APH1A: variants seen among roughly 807,000 people sequenced by gnomAD.
The protein encoded by APH1A is aph-1A gamma-secretase subunit.
APH1A carries 16 observed loss-of-function variants against 30.3 expected under a neutral mutation model. The ratio of observed to expected loss-of-function variants is 0.53; its 90% CI spans 0.36 to 0.80. The LOEUF (loss-of-function observed/expected upper bound fraction) is 0.80, where lower values mean the gene tolerates loss of function less well. APH1A is among the 30% of genes least tolerant of loss of function. APH1A has a pLI of 0.01. For synonymous variants in APH1A, 144 were observed against 140.1 expected, an observed-to-expected ratio of 1.03 and a Z score of -0.20; for missense variants, 245 against 337.8, an observed-to-expected ratio of 0.73 and a Z score of 2.15.
chr1:150,267,593 C>T, intron 3 of APH1A, 115 bp from the exon 4 acceptor site: 1 of 1,581,032 alleles, frequency 6.3e-7, no homozygotes, highest in Non-Finnish European at 8.6e-7. Context: ...TCCAGACCAA[C>T]TTTCTTTGGA....
chr1:150,268,848 G>C lies in APH1A; in HGVS notation c.-38C>G. Reference sequence around the variant, plus strand: ...GGGAAGGGGGGTGGGGGCCTGACCAGGACAGGCAAATGGGAGGGGCGCGCC... The same window carrying C: ...GGGAAGGGGGGTGGGGGCCTGACCACGACAGGCAAATGGGAGGGGCGCGCC... On this transcript the variant is annotated 5_prime_UTR_variant, in exon 1 of 7. Transcript: ENST00000369109. 5 of 1,577,134 alleles carry C rather than the reference G, an allele frequency of 3.2e-6. No homozygotes were observed. The highest frequency in any genetic ancestry group is 4.3e-6 in the Non-Finnish European group (5 of 1,157,890).
rs1165288710 is a variant in APH1A at position 150,268,934 on chromosome 1, C to A, written c.-124G>T. 4 of 765,382 alleles carry A rather than the reference C, an allele frequency of 5.2e-6. No individual in the cohort carries two copies. In the East Asian group the frequency reaches 8.2e-5, roughly 16 times the overall value. 47.4% of individuals were successfully genotyped at this position (765,382 alleles called of 1,614,324 possible). Reference sequence around the variant, plus strand: ...CACGAGGGGCGCGGTGCAATGTCACCCCCAGACCCCGGGGAAGGGGAAGGG... The same window carrying A: ...CACGAGGGGCGCGGTGCAATGTCACACCCAGACCCCGGGGAAGGGGAAGGG... On this transcript the variant is annotated 5_prime_UTR_variant, in exon 1 of 7. Transcript: ENST00000369109.
Position 150,268,682 on chromosome 1 carries a change from C to A in APH1A, c.113+16G>T, listed in dbSNP as rs1651962049. The A allele has an allele frequency of 6.2e-7, 1 of 1,602,672 alleles. No individual in the cohort carries two copies. The highest frequency in any genetic ancestry group is 2.2e-5 in the East Asian group (1 of 44,460). On this transcript the variant is annotated intron_variant, in intron 1 of 6. Coordinates refer to ENST00000369109, the MANE Select transcript of APH1A (RefSeq NM_001077628.3). ...CTCTTCGACGCTCTCCCGCGTCTCCCGGGCCCTCTACTCACCCTGCGACCA... is the reference window on the plus strand; with the variant it reads ...CTCTTCGACGCTCTCCCGCGTCTCCAGGGCCCTCTACTCACCCTGCGACCA...
Position 150,268,849 on chromosome 1 carries a change from G to A in APH1A, c.-39C>T, listed in dbSNP as rs1651992451. ...GGAAGGGGGGTGGGGGCCTGACCAGGACAGGCAAATGGGAGGGGCGCGCCA... is the reference window on the plus strand; with the variant it reads ...GGAAGGGGGGTGGGGGCCTGACCAGAACAGGCAAATGGGAGGGGCGCGCCA... On this transcript the variant is annotated 5_prime_UTR_variant, in exon 1 of 7. Transcript: ENST00000369109. 3 of 1,568,806 alleles carry A rather than the reference G, an allele frequency of 1.9e-6. No individual in the cohort carries two copies. Among genetic ancestry groups the A allele is most frequent in the South Asian group, 1.1e-5 (1 of 87,762 alleles).
At chr1:150,266,221 T>C (rs201687616) in intron 6 of APH1A, 27 bp from the exon 7 acceptor site, 3 of 1,582,618 alleles carry the variant, frequency 1.9e-6, no homozygotes, top group Non-Finnish European at 2.6e-6. Context: ...AGGTGAGTCT[T>C]GGGCAGGGTG....
chr1:150,269,011 G>A lies in APH1A; in HGVS notation c.-201C>T, dbSNP rs1553850682. 7.5e-6 allele frequency: 4 copies of A among 533,668 alleles called. No individual in the cohort carries two copies. In the African/African-American group the frequency reaches 7.7e-5, roughly 10 times the overall value. The allele number at this position is 533,668 out of a possible 1,614,324, so 33.1% of individuals were successfully genotyped here. On this transcript the variant is annotated 5_prime_UTR_variant, in exon 1 of 7. Transcript: ENST00000369109. ...CCGCGCCACTTCCTCTACGGAAGCC[G>A]AAGAGGGGACAAATCCCGGCCGCAG...
At position 150,266,200 on chromosome 1, in the gene APH1A, G is replaced by T; in HGVS notation, c.734-6C>A. Reference sequence around the variant, plus strand: ...ACTGTCCTCCTGCCGTCGGCCTGCAGAGGGGAAGGGAGGTGAGTCTTGGGC... The same window carrying T: ...ACTGTCCTCCTGCCGTCGGCCTGCATAGGGGAAGGGAGGTGAGTCTTGGGC... On this transcript the variant is annotated splice_region_variant and splice_polypyrimidine_tract_variant and intron_variant, in intron 6 of 6. Coordinates refer to ENST00000369109, the MANE Select transcript of APH1A (RefSeq NM_001077628.3). The T allele has an allele frequency of 6.3e-7, 1 of 1,595,190 alleles. No homozygotes were observed. The highest frequency in any genetic ancestry group is 8.5e-7 in the Non-Finnish European group (1 of 1,170,900).
intron 1 of APH1A, 68 bp downstream of exon 1, chr1:150,268,630 A>T: frequency 6.8e-7 from 1 of 1,477,514 alleles, no homozygotes. Context: ...GGCTTGCCCC[A>T]GTTCCTCCAG....
intron 6 of APH1A, 43 bp from the exon 7 acceptor site, chr1:150,266,237 A>G: frequency 6.4e-7 from 1 of 1,570,364 alleles, no homozygotes; most frequent in East Asian, 2.3e-5. Context: ...GGGTGAGAGC[A>G]GAGCACTGAC....
chr1:150,268,211 A>G, intron 1 of APH1A, 84 bp from the exon 2 acceptor site: 1 of 1,495,874 alleles, frequency 6.7e-7, no homozygotes, highest in Non-Finnish European at 9.0e-7. Flanking sequence ...AAGCTGCTTG[A>G]AAAGTGGAAG....
chr1:150,268,330 A>G, intron 1 of APH1A: 1 of 654,820 alleles, frequency 1.5e-6, no homozygotes, highest in Non-Finnish European at 2.6e-6. Flanking sequence ...AAATCTAATT[A>G]AAGAGTCTTC....
intron 1 of APH1A, 153 bp from the exon 2 acceptor site, chr1:150,268,280 A>G (rs1651912773): frequency 8.4e-6 from 7 of 831,282 alleles, no homozygotes; most frequent in Non-Finnish European, 1.1e-5. Context: ...CTCCACCAAG[A>G]GACTCATCTG....
chr1:150,265,980 C>G lies in APH1A; in HGVS notation c.*150G>C, dbSNP rs202091565. The stretch of plus-strand genomic sequence containing the variant: ...CTGAGAAACTCAGAGCTCATCTATC[C>G]TTGAGCCTCCATTAATTTCATCTCC... On this transcript the variant is annotated 3_prime_UTR_variant, in exon 7 of 7. Coordinates refer to ENST00000369109, the MANE Select transcript of APH1A (RefSeq NM_001077628.3). 4 of 930,156 alleles carry G rather than the reference C, an allele frequency of 4.3e-6. No individual in the cohort carries two copies. The highest frequency in any genetic ancestry group is 6.4e-6 in the Non-Finnish European group (4 of 624,830). The allele number at this position is 930,156 out of a possible 1,614,324, so 57.6% of individuals were successfully genotyped here. A position where few individuals can be genotyped will look rare whatever the true frequency, so the allele number is the denominator to read the frequency against.
In APH1A at chr1:150,268,814, T is replaced by A. The variant is rs1283191804; in HGVS notation, c.-4A>T. 1.9e-6 allele frequency: 3 copies of A among 1,609,610 alleles called. No individual in the cohort carries two copies. The East Asian group carries it at 6.7e-5, about 36-fold the overall frequency. On this transcript the variant is annotated 5_prime_UTR_variant, in exon 1 of 7. Coordinates refer to ENST00000369109, the MANE Select transcript of APH1A (RefSeq NM_001077628.3). ...CGAAAAACACCGCAGCCCCCATGGCTGGTCAGGTGGGAAGGGGGGTGGGGG... is the reference window on the plus strand; with the variant it reads ...CGAAAAACACCGCAGCCCCCATGGCAGGTCAGGTGGGAAGGGGGGTGGGGG...
At position 150,268,787 on chromosome 1, in the gene APH1A, G is replaced by C. The variant is rs782733585; in HGVS notation, c.24C>G (p.Gly8=). ...CCGGGCCGAACGCGACGAAAGTGCA[G>C]CCGAAAAACACCGCAGCCCCCATGG... The part of the protein sequence containing the change: MGAAVFF[G]CTFVAFGPAF... Residue 8 remains glycine (G), a synonymous_variant, in exon 1 of 7, where the codon GGC becomes GGG. Coordinates refer to ENST00000369109, the MANE Select transcript of APH1A (RefSeq NM_001077628.3). 1.3e-5 allele frequency: 21 copies of C among 1,613,562 alleles called. 1 individual carries two copies. In the South Asian group the frequency reaches 2.3e-4, roughly 18 times the overall value.
chr1:150,266,834 AAGGT>A lies in APH1A; in HGVS notation c.610-182_610-179del, dbSNP rs1651766547. The A allele has an allele frequency of 1.1e-5, 11 of 1,035,692 alleles. No individual in the cohort carries two copies. In the South Asian group the frequency reaches 1.4e-4, roughly 13 times the overall value. 64.2% of individuals were successfully genotyped at this position (1,035,692 alleles called of 1,614,324 possible). On this transcript the variant is annotated intron_variant, in intron 5 of 6. Transcript: ENST00000369109. The stretch of plus-strand genomic sequence containing the variant: ...TGATTTTCAGCTCCTCAGAAACTCA[AAGGT>A]TTCTGCCGCTCCTGCTCACCTCAGG...
At chr1:150,268,653 C>A in intron 1 of APH1A, 45 bp downstream of exon 1, 1 of 1,563,594 alleles carries the variant, frequency 6.4e-7, no homozygotes, top group Non-Finnish European at 8.7e-7. Flanking sequence ...CCTTCCGCAC[C>A]TCTCTCTTCG....
At position 150,267,797 on chromosome 1, in the gene APH1A, G is replaced by A. The variant is rs201146758; in HGVS notation, c.285-8C>T. The A allele has an allele frequency of 1.4e-5, 22 of 1,613,500 alleles. No individual in the cohort carries two copies. The South Asian group carries it at 1.8e-4, about 13-fold the overall frequency. Reference sequence around the variant, plus strand: ...AACCCCTCATCTGCCTTCCTGGGGTGGGGTGGGGTAGGGGAAACATGAGGG... The same window carrying A: ...AACCCCTCATCTGCCTTCCTGGGGTAGGGTGGGGTAGGGGAAACATGAGGG... On this transcript the variant is annotated splice_region_variant and splice_polypyrimidine_tract_variant and intron_variant, in intron 2 of 6. Coordinates refer to ENST00000369109, the MANE Select transcript of APH1A (RefSeq NM_001077628.3).
At position 150,268,735 on chromosome 1, in the gene APH1A, C is replaced by T; in HGVS notation, c.76G>A (p.Ala26Thr). The T allele has an allele frequency of 3.1e-6, 5 of 1,613,780 alleles. No homozygotes were observed. Among genetic ancestry groups the T allele is most frequent in the Non-Finnish European group, 4.2e-6 (5 of 1,179,868 alleles). ...PAFALFLITVAGDPLRVIILV... is the reference protein window; with the variant it reads ...PAFALFLITVTGDPLRVIILV... ...ATGATAACGCGAAGCGGGTCCCCAG[C>T]CACAGTGATCAAGAAAAGCGCGAAG... The change falls in exon 1 of 7, where the codon GCT becomes ACT. Residue 26 changes from alanine to threonine, a missense_variant. Transcript: ENST00000369109.
Sources: gnomAD v4.1 joint callset for allele counts on GRCh38, gnomAD v4.1.1 for gene constraint, MANE v1.5 for transcripts, NCBI Gene and HGNC (gene_info 2026-07-23, HGNC 2026-07-21) for gene names.